Variants in PTPRM observed in about 807,000 individuals in gnomAD.
PTPRM encodes protein tyrosine phosphatase receptor type M.
A neutral mutation model predicts 186.7 loss-of-function variants in PTPRM; 47 were observed. The ratio of observed to expected loss-of-function variants is 0.25; its 90% CI spans 0.20 to 0.32. The LOEUF (loss-of-function observed/expected upper bound fraction) is 0.32. Among genes scored for constraint, PTPRM ranks in the 10% least tolerant of loss-of-function variants. PTPRM has a pLI of 1.00. For synonymous variants in PTPRM, 668 were observed against 674.9 expected (o/e 0.99, Z 0.16); for missense variants, 1,494 against 1,865.0 (o/e 0.80, Z 3.66).
chr18:7,702,870 A>G (rs1467692180), intron 1 of PTPRM, among the ~76,000 whole-genome samples: 1 of 152,192 alleles, frequency 6.6e-6, no homozygotes, highest in Non-Finnish European at 1.5e-5. Context: ...TAATTTTTTA[A>G]TAAGGTGTAA....
chr18:8,020,545 A>G (rs904023011), intron 7 of PTPRM, among the ~76,000 whole-genome samples: 6 of 152,316 alleles, frequency 3.9e-5, no homozygotes, highest in African/African-American at 1.4e-4. Flanking sequence ...TTATAGACCC[A>G]TGAGAATTTT....
intron 23 of PTPRM, among the ~76,000 whole-genome samples, chr18:8,354,275 A>C (rs560071696): frequency 6.6e-6 from 1 of 151,478 alleles, no homozygotes; most frequent in South Asian, 2.1e-4. Flanking sequence ...TCTTGGGAGA[A>C]AGTGGAAAGA....
At chr18:7,948,690 A>T (rs1599679157) in intron 5 of PTPRM, among the ~76,000 whole-genome samples, 1 of 152,298 alleles carries the variant, frequency 6.6e-6, no homozygotes, top group African/African-American at 2.4e-5. Flanking sequence ...CTATTCTTTT[A>T]GTCCTGTTCA....
chr18:8,016,530 CAAAAAA>C (rs563624187), intron 7 of PTPRM, among the ~76,000 whole-genome samples: 7 of 70,214 alleles, frequency 1.0e-4, no homozygotes, highest in Admixed American at 8.1e-4. Context: ...AAGAGTCTGT[CAAAAAA>C]AAAAAAAAAA....
At chr18:8,276,574 A>G (rs776335729) in intron 19 of PTPRM, among the ~76,000 whole-genome samples, 1 of 152,108 alleles carries the variant, frequency 6.6e-6, no homozygotes, top group Admixed American at 6.5e-5. Flanking sequence ...AACCATTTCC[A>G]TGTGTGATCT....
intron 1 of PTPRM, among the ~76,000 whole-genome samples, chr18:7,756,308 G>A (rs1341471851): frequency 6.6e-6 from 1 of 152,170 alleles, no homozygotes; most frequent in East Asian, 1.9e-4. Context: ...AACATGCCTA[G>A]TGCAGTGTAT....
chr18:8,391,204 G>A (rs2095809978), intron 31 of PTPRM, among the ~76,000 whole-genome samples: 1 of 152,126 alleles, frequency 6.6e-6, no homozygotes, highest in East Asian at 1.9e-4. Context: ...GAAACTGACA[G>A]CATTTACCAA....
chr18:7,720,692 A>G (rs888460739), intron 1 of PTPRM, among the ~76,000 whole-genome samples: 3 of 152,064 alleles, frequency 2.0e-5, no homozygotes, highest in African/African-American at 7.2e-5. Flanking sequence ...TCTCATTTTG[A>G]CTACTCTAGG....
chr18:7,685,019 C>T (rs534396748), intron 1 of PTPRM, among the ~76,000 whole-genome samples: 8 of 152,338 alleles, frequency 5.3e-5, no homozygotes, highest in African/African-American at 1.9e-4. Flanking sequence ...CCAACTGTGC[C>T]ATCTAACAAC....
intron 2 of PTPRM, among the ~76,000 whole-genome samples, chr18:7,775,851 C>A (rs1432485270): frequency 6.6e-6 from 1 of 152,206 alleles, no homozygotes; most frequent in Non-Finnish European, 1.5e-5. Flanking sequence ...AGATAACTCA[C>A]CTCCCTTGAT....
intron 2 of PTPRM, among the ~76,000 whole-genome samples, chr18:7,848,560 C>T (rs1764044352): frequency 6.6e-6 from 1 of 151,948 alleles, no homozygotes; most frequent in African/African-American, 2.4e-5. Flanking sequence ...CCACTTGAGC[C>T]CAGGAATTTG....
intron 14 of PTPRM, among the ~76,000 whole-genome samples, chr18:8,221,802 T>C (rs1313136924): frequency 6.6e-6 from 1 of 152,232 alleles, no homozygotes; most frequent in Admixed American, 6.5e-5. Context: ...CAGATTTCCC[T>C]GTGCATAGTG....
intron 8 of PTPRM, among the ~76,000 whole-genome samples, chr18:8,075,250 A>G (rs1256243667): frequency 8.4e-6 from 1 of 119,118 alleles, no homozygotes; most frequent in Non-Finnish European, 1.8e-5. Context: ...TCGATTCCAT[A>G]TCTATATCTA....
At chr18:7,836,660 C>A (rs916645958) in intron 2 of PTPRM, among the ~76,000 whole-genome samples, 2 of 152,150 alleles carry the variant, frequency 1.3e-5, no homozygotes, top group African/African-American at 4.8e-5. Context: ...TTTAACATTT[C>A]TTGTAGGACA....
intron 2 of PTPRM, among the ~76,000 whole-genome samples, chr18:7,794,455 C>A (rs563381791): frequency 2.0e-5 from 3 of 152,160 alleles, no homozygotes; most frequent in African/African-American, 7.2e-5. Flanking sequence ...GGGAACCATT[C>A]CCGTTTCATT....
intron 14 of PTPRM, among the ~76,000 whole-genome samples, chr18:8,240,497 GAGAGGAAGGAAGGAAGGA>G (rs1419724575): frequency 8.9e-4 from 64 of 71,554 alleles, no homozygotes; most frequent in African/African-American, 3.9e-3. Context: ...GAGAGAGAGA[GAGAGGAAGGAAGGAAGGA>G]AGGAAGGAAG....
At chr18:8,324,795 C>T (rs139631690) in intron 22 of PTPRM, among the ~76,000 whole-genome samples, 2 of 152,276 alleles carry the variant, frequency 1.3e-5, no homozygotes, top group East Asian at 3.9e-4. Context: ...AAGTCACAGA[C>T]CTAAAAGTGC....
At chr18:8,010,236 A>G (rs1386989129) in intron 7 of PTPRM, among the ~76,000 whole-genome samples, 2 of 152,094 alleles carry the variant, frequency 1.3e-5, no homozygotes, top group Non-Finnish European at 2.9e-5. Context: ...CCTTTTTCCT[A>G]ATATCATTAC....
At chr18:8,210,027 G>A (rs575863456) in intron 14 of PTPRM, among the ~76,000 whole-genome samples, 23 of 132,382 alleles carry the variant, frequency 1.7e-4, no homozygotes, top group African/African-American at 5.7e-4. Context: ...AAAGGTGCTC[G>A]GGCAAGGTGG....
Sources: allele counts gnomAD v4.1 joint callset (sites outside exome capture counted in the v4.1 genomes callset), GRCh38; gene constraint gnomAD v4.1.1; transcripts MANE v1.5; gene names NCBI Gene and HGNC (gene_info 2026-07-23, HGNC 2026-07-21).